Variants in SIRT3 observed in about 807,000 individuals in gnomAD.
The protein encoded by SIRT3 is NAD-dependent protein deacetylase sirtuin-3, mitochondrial.
In SIRT3, 26 loss-of-function variants were observed where a neutral mutation model predicts 33.5. The observed-to-expected ratio is 0.78, with a 90% CI of 0.57 to 1.08. The LOEUF is 1.08. Among genes scored for constraint, SIRT3 ranks in the 50% least tolerant of loss-of-function variants. The pLI, the probability that SIRT3 is intolerant of heterozygous loss-of-function variation, is 0.00. For missense variants in SIRT3, 585 were observed against 530.1 expected (o/e 1.10, Z -1.02); for synonymous variants, 237 against 222.1 (o/e 1.07, Z -0.60).
At chr11:236,915 CG>C, upstream of SIRT3, 1 of 733,552 alleles carries the variant, frequency 1.4e-6, no homozygotes, top group Non-Finnish European at 2.4e-6. Flanking sequence ...CAGCGGGGCC[CG>C]CCCCCGGCCT....
intron 5 of SIRT3, among the ~76,000 whole-genome samples, chr11:220,929 A>G (rs527837376): frequency 3.9e-5 from 4 of 103,888 alleles, no homozygotes; most frequent in Admixed American, 9.5e-5. Context: ...TACAGCATTT[A>G]CCCTTCAGGA....
chr11:216,767 G>C, intron 6 of SIRT3, 49 bp from the exon 7 acceptor site: 1 of 1,601,800 alleles, frequency 6.2e-7, no homozygotes, highest in African/African-American at 1.3e-5. Flanking sequence ...ACACACCCAG[G>C]CAGGCCAGCA....
intron 4 of SIRT3, among the ~76,000 whole-genome samples, chr11:227,462 A>G (rs1857335086): frequency 6.6e-6 from 1 of 151,774 alleles, no homozygotes; most frequent in African/African-American, 2.4e-5. Context: ...TCCAAACAAC[A>G]ACAACAAAAA....
chr11:236,911 G>T, upstream of SIRT3: 1 of 713,978 alleles, frequency 1.4e-6, no homozygotes, highest in South Asian at 1.6e-5. Context: ...CAACCAGCGG[G>T]GCCCGCCCCC....
At position 233,401 on chromosome 11, in the gene SIRT3, T is replaced by C. The variant is rs761102750; in HGVS notation, c.415A>G (p.Arg139Gly). The C allele has an allele frequency of 6.8e-6, 11 of 1,613,864 alleles. No individual in the cohort carries two copies. In the East Asian group the frequency reaches 2.0e-4, roughly 29 times the overall value. The change falls in exon 2 of 7, where the codon AGG becomes GGG. Residue 139 changes from arginine (R) to glycine (G), a missense_variant. Arg to Gly is a moderately radical substitution (Grantham distance 125, BLOSUM62 -2). Transcript: ENST00000382743. ...CCGGCCCCCACCATGACCACCACCC[T>C]CTGGCAGGCTCTGGCCCGAATCAGC... ...AELIRARACQRVVVMVGAGIS... is the reference protein window; with the variant it reads ...AELIRARACQGVVVMVGAGIS...
At position 216,694 on chromosome 11, in the gene SIRT3, C is replaced by T. The variant is rs1474900082; in HGVS notation, c.*4G>A. 1.9e-6 allele frequency: 3 copies of T among 1,614,004 alleles called. No homozygotes were observed. In the South Asian group the frequency reaches 3.3e-5, roughly 18 times the overall value. ...CCATTTATTGTGTGGGGGCAGCCAT[C>T]ATCCTATTTGTCTGGTCCATCAAGC... is the stretch of plus-strand genomic sequence containing the variant. On this transcript the variant is annotated 3_prime_UTR_variant, in exon 7 of 7. Transcript: ENST00000382743.
chr11:231,973 G>GTGCC (rs879271975), intron 3 of SIRT3, among the ~76,000 whole-genome samples: 22,535 of 151,650 alleles, frequency 0.15, 1,799 homozygotes, highest in South Asian at 0.34. Flanking sequence ...CCAGAAGTTG[G>GTGCC]CACAACCTGT....
upstream of SIRT3, chr11:236,404 C>T: frequency 3.9e-6 from 4 of 1,027,714 alleles, no homozygotes; most frequent in Non-Finnish European, 4.8e-6. Context: ...CTCCCACCCC[C>T]GCCCCCGGCG....
Position 236,076 on chromosome 11 carries a change from C to A in SIRT3, c.253G>T (p.Ala85Ser). 6.5e-7 allele frequency: 1 copy of A among 1,548,764 alleles called. No individual in the cohort carries two copies. The highest frequency in any genetic ancestry group is 8.7e-7 in the Non-Finnish European group (1 of 1,148,100). The change falls in exon 1 of 7, where the codon GCA (alanine) becomes TCA (serine). Residue 85 changes from alanine to serine, a missense_variant. Physicochemically the swap from Ala to Ser is moderately conservative, Grantham distance 99 (BLOSUM62 1). Coordinates refer to ENST00000382743, the MANE Select transcript of SIRT3 (RefSeq NM_012239.6). ...GAAAAGAAGAAACTGGGAGCTGCTG[C>A]CCTCGGCTGCCTCCGGAATGCCCTG... Reference protein sequence around the residue: ...VPRAFRRQPRAAAPSFFFSSI... With the variant: ...VPRAFRRQPRSAAPSFFFSSI...
At chr11:232,916 C>T in intron 3 of SIRT3, 67 bp downstream of exon 3, 1 of 1,503,782 alleles carries the variant, frequency 6.6e-7, no homozygotes, top group Non-Finnish European at 9.2e-7. Flanking sequence ...CCGAGCCTCC[C>T]TGGGAGAAAC....
At chr11:217,615 A>G (rs1305515308) in intron 6 of SIRT3, among the ~76,000 whole-genome samples, 1 of 152,200 alleles carries the variant, frequency 6.6e-6, no homozygotes, top group Admixed American at 6.5e-5. Context: ...TGAAGTGACC[A>G]TGATTGGTAA....
At position 224,230 on chromosome 11, in the gene SIRT3, T is replaced by A; in HGVS notation, c.817A>T (p.Met273Leu). 1 of 1,614,026 alleles carries A rather than the reference T, an allele frequency of 6.2e-7. No homozygotes were observed. Among genetic ancestry groups the A allele is most frequent in the East Asian group, 2.2e-5 (1 of 44,882 alleles). Residue 273 changes from methionine (M) to leucine (L), a missense_variant, in exon 5 of 7, where the codon ATG (methionine) becomes TTG (leucine). Met to Leu is a conservative substitution (Grantham distance 15, BLOSUM62 2). Transcript: ENST00000382743. ...FPGEDIRADVMADRVPRCPVC... is the reference protein window; with the variant it reads ...FPGEDIRADVLADRVPRCPVC... The stretch of plus-strand genomic sequence containing the variant: ...GGGCAGCGGGGAACCCTGTCTGCCA[T>A]CACGTCAGCCTGGAAAACAGAGAAA...
chr11:236,011 C>T (rs1432181857), intron 1 of SIRT3, 37 bp downstream of exon 1: 7 of 1,430,988 alleles, frequency 4.9e-6, no homozygotes, highest in Non-Finnish European at 1.8e-6. Context: ...GTGTCGACAA[C>T]GAACACGCAA....
chr11:231,861 TCTCCGGGAG>T (rs1564813050), intron 3 of SIRT3, among the ~76,000 whole-genome samples: 1 of 58,764 alleles, frequency 1.7e-5, no homozygotes, highest in Non-Finnish European at 3.4e-5. Flanking sequence ...ATCAGCAGTC[TCTCCGGGAG>T]CCTGGCTCCC....
rs1338857472 is a variant in SIRT3 at position 226,748 on chromosome 11, A to ATT, written c.808-2511_808-2510dup. Among the ~76,000 whole-genome samples, 21 of 84,606 alleles carry ATT rather than the reference A, an allele frequency of 2.5e-4. 3 individuals are homozygous for ATT. Among genetic ancestry groups the ATT allele is most frequent in the Admixed American group, 2.6e-4 (2 of 7,722 alleles). The allele number at this position is 84,606 out of a possible 152,430, so 55.5% of individuals were successfully genotyped here. A position where few individuals can be genotyped will look rare whatever the true frequency, so the allele number is the denominator to read the frequency against. On this transcript the variant is annotated intron_variant, in intron 4 of 6. Coordinates refer to ENST00000382743, the MANE Select transcript of SIRT3 (RefSeq NM_012239.6). ...TTTTTCTTAAGGAAGGCCTACAATTATTATTATTATTTTTTTTTTTTTGAG... is the reference window on the plus strand; with the variant it reads ...TTTTTCTTAAGGAAGGCCTACAATTATTTTATTATTATTTTTTTTTTTTTGAG...
At chr11:236,676 G>A (rs1859212841), upstream of SIRT3, 1 of 305,860 alleles carries the variant, frequency 3.3e-6, no homozygotes, top group Non-Finnish European at 6.2e-6. Flanking sequence ...CTATGGTCAG[G>A]CATTATATTT....
intron 3 of SIRT3, among the ~76,000 whole-genome samples, chr11:232,526 T>C (rs1858202541): frequency 6.6e-6 from 1 of 152,204 alleles, no homozygotes; most frequent in African/African-American, 2.4e-5. Context: ...TGCTTCAAAA[T>C]AATCTGGGGA....
intron 4 of SIRT3, among the ~76,000 whole-genome samples, 187 bp from the exon 5 acceptor site, chr11:224,426 G>GA (rs2133848072): frequency 6.6e-6 from 1 of 152,324 alleles, no homozygotes; most frequent in African/African-American, 2.4e-5. Flanking sequence ...CAGCCCTCCG[G>GA]AATCTGGGAG....
chr11:228,803 C>G (rs926142184), intron 4 of SIRT3, among the ~76,000 whole-genome samples: 1 of 152,292 alleles, frequency 6.6e-6, no homozygotes, highest in South Asian at 2.1e-4. Context: ...AGACAACCTA[C>G]AGAATGACAG....
Sources: allele counts gnomAD v4.1 joint callset (sites outside exome capture counted in the v4.1 genomes callset), GRCh38; gene constraint gnomAD v4.1.1; transcripts MANE v1.5; gene names NCBI Gene and HGNC (gene_info 2026-07-23, HGNC 2026-07-21).